The following CCL1 variants were observed in gnomAD, a reference collection of about 807,000 sequenced individuals.
CCL1 encodes the protein C-C motif chemokine ligand 1, also known as C-C motif chemokine 1.
In CCL1, 9 loss-of-function variants were observed where a neutral mutation model predicts 7.5. The observed-to-expected ratio is 1.20, with a 90% CI of 0.72 to 2.09. The LOEUF (loss-of-function observed/expected upper bound fraction) is 2.09, where lower values mean the gene tolerates loss of function less well. Ranked by LOEUF, CCL1 falls within the 30% of genes most tolerant of loss-of-function variation. The probability of loss-of-function intolerance (pLI) is 0.00; values close to 1 mark genes in which losing one functional copy is unlikely to be tolerated. For missense variants in CCL1, 110 were observed against 113.7 expected, an observed-to-expected ratio of 0.97 and a Z score of 0.15; for synonymous variants, 48 against 44.7, an observed-to-expected ratio of 1.07 and a Z score of -0.30.
Position 34,360,539 on chromosome 17 carries a change from C to T in CCL1, c.*20G>A. Reference sequence around the variant, plus strand: ...GTGAAGCCATGTGGTTTCCAGAGCCCACAATGGAAAGAAATCTGCTCATTT... The same window carrying T: ...GTGAAGCCATGTGGTTTCCAGAGCCTACAATGGAAAGAAATCTGCTCATTT... On this transcript the variant is annotated 3_prime_UTR_variant, in exon 3 of 3. Transcript: ENST00000225842. 1 of 1,591,874 alleles carries T rather than the reference C, an allele frequency of 6.3e-7. No individual in the cohort carries two copies. The highest frequency in any genetic ancestry group is 8.6e-7 in the Non-Finnish European group (1 of 1,159,760).
In CCL1 at chr17:34,360,542, A is replaced by C. The variant is rs770127031; in HGVS notation, c.*17T>G. On this transcript the variant is annotated 3_prime_UTR_variant, in exon 3 of 3. Transcript: ENST00000225842. ...AAGCCATGTGGTTTCCAGAGCCCAC[A>C]ATGGAAAGAAATCTGCTCATTTTCT... The C allele has an allele frequency of 3.1e-6, 5 of 1,594,642 alleles. No individual in the cohort carries two copies. Among genetic ancestry groups the C allele is most frequent in the Non-Finnish European group, 4.3e-6 (5 of 1,162,254 alleles).
At chr17:34,362,946 G>T in intron 1 of CCL1, 140 bp downstream of exon 1, 2 of 752,296 alleles carry the variant, frequency 2.7e-6, no homozygotes, top group Non-Finnish European at 2.2e-6. Flanking sequence ...GCCTGTCCAA[G>T]TTCACCATTC....
chr17:34,362,814 G>C (rs924124677), intron 1 of CCL1, among the ~76,000 whole-genome samples: 6 of 151,996 alleles, frequency 3.9e-5, no homozygotes, highest in Non-Finnish European at 5.9e-5. Context: ...AGCTTTACCC[G>C]AGTAACCTCA....
At chr17:34,361,292 G>A (rs548539498) in intron 2 of CCL1, among the ~76,000 whole-genome samples, 2 of 152,250 alleles carry the variant, frequency 1.3e-5, no homozygotes, top group East Asian at 3.9e-4. Flanking sequence ...TGACTGGTTT[G>A]TGAAAGCTAC....
At chr17:34,361,084 G>A (rs1048061112) in intron 2 of CCL1, among the ~76,000 whole-genome samples, 2 of 119,932 alleles carry the variant, frequency 1.7e-5, no homozygotes, top group Admixed American at 1.6e-4. Context: ...GTGTGTGGGT[G>A]TGTGTATTTT....
chr17:34,360,666 G>T lies in CCL1; in HGVS notation c.189-5C>A. On this transcript the variant is annotated splice_region_variant and splice_polypyrimidine_tract_variant and intron_variant, in intron 2 of 2. Transcript: ENST00000225842. ...TTGCCTCTCTTCAGCTTGAATCTGT[G>T]AACAGAGAATAAGAGAGAAGGCTGA... 1 of 1,609,750 alleles carries T rather than the reference G, an allele frequency of 6.2e-7. No homozygotes were observed. The highest frequency in any genetic ancestry group is 1.1e-5 in the South Asian group (1 of 90,920).
chr17:34,361,229 T>C lies in CCL1; in HGVS notation c.188+556A>G, dbSNP rs563179010. 5.3e-5 allele frequency among the ~76,000 whole-genome samples: 8 copies of C among 152,070 alleles called. No homozygotes were observed. The South Asian group carries it at 1.7e-3, about 32-fold the overall frequency. The stretch of plus-strand genomic sequence containing the variant: ...CTCACTTTTCATGATAACAAAAATA[T>C]GTGCCCCAAGAGGATCGACAGAGAG... On this transcript the variant is annotated intron_variant, in intron 2 of 2. Coordinates refer to ENST00000225842, the MANE Select transcript of CCL1 (RefSeq NM_002981.2).
intron 2 of CCL1, 116 bp downstream of exon 2, chr17:34,361,669 G>T (rs1597614762): frequency 2.8e-6 from 2 of 718,956 alleles, no homozygotes; most frequent in African/African-American, 1.7e-5. Flanking sequence ...GGTGCTGGCA[G>T]CTCTGGGTTT....
At chr17:34,362,367 G>A (rs1028542647) in intron 1 of CCL1, among the ~76,000 whole-genome samples, 4 of 152,082 alleles carry the variant, frequency 2.6e-5, no homozygotes, top group Admixed American at 6.5e-5. Context: ...GGAATTGTTC[G>A]AGGAGTCCAA....
At position 34,363,212 on chromosome 17, in the gene CCL1, G is replaced by A; in HGVS notation, c.-51C>T. 1.3e-6 allele frequency: 2 copies of A among 1,560,588 alleles called. No individual in the cohort carries two copies. The highest frequency in any genetic ancestry group is 8.8e-7 in the Non-Finnish European group (1 of 1,134,072). On this transcript the variant is annotated 5_prime_UTR_variant, in exon 1 of 3. Coordinates refer to ENST00000225842, the MANE Select transcript of CCL1 (RefSeq NM_002981.2). ...CTGGAGCAGCTTTGATGAGCCTGGT[G>A]AAGCTAAGAGCTCACCACTGTGCCG...
chr17:34,360,786 C>T (rs978857891), intron 2 of CCL1, 125 bp from the exon 3 acceptor site: 8 of 706,968 alleles, frequency 1.1e-5, no homozygotes, highest in Non-Finnish European at 2.0e-5. Flanking sequence ...TTGGGCTCCC[C>T]TCTGTAAATG....
At chr17:34,362,476 C>T (rs541207483) in intron 1 of CCL1, among the ~76,000 whole-genome samples, 66 of 152,114 alleles carry the variant, frequency 4.3e-4, no homozygotes, top group African/African-American at 1.5e-3. Flanking sequence ...TCTTTCCCAG[C>T]CCCCAACCCC....
At chr17:34,361,028 G>A (rs924021905) in intron 2 of CCL1, among the ~76,000 whole-genome samples, 7 of 151,892 alleles carry the variant, frequency 4.6e-5, no homozygotes, top group Non-Finnish European at 7.4e-5. Flanking sequence ...TACTTGTTGC[G>A]TTGGACTCAT....
chr17:34,361,022 T>C (rs1408963510), intron 2 of CCL1, among the ~76,000 whole-genome samples: 1 of 152,040 alleles, frequency 6.6e-6, no homozygotes, highest in Non-Finnish European at 1.5e-5. Flanking sequence ...GGGCCTTACT[T>C]GTTGCGTTGG....
chr17:34,361,654 A>C, intron 2 of CCL1, 131 bp downstream of exon 2: 2 of 654,774 alleles, frequency 3.1e-6, no homozygotes, highest in Non-Finnish European at 5.5e-6. Flanking sequence ...TGTGGCTTGC[A>C]CCCAGGTGCT....
At chr17:34,362,581 A>AC (rs1232900783) in intron 1 of CCL1, among the ~76,000 whole-genome samples, 6 of 151,466 alleles carry the variant, frequency 4.0e-5, no homozygotes, top group Non-Finnish European at 7.4e-5. Context: ...TTCTGTTTGC[A>AC]CCCCCTTTCA....
chr17:34,361,744 G>T lies in CCL1; in HGVS notation c.188+41C>A, dbSNP rs748721433. ...ACTCTTGTAATTCCAGGCTGGCGGG[G>T]TTCTGTTCTCTAGGGAGAGATTGAG... On this transcript the variant is annotated intron_variant, in intron 2 of 2. Transcript: ENST00000225842. 8.5e-6 allele frequency: 11 copies of T among 1,297,070 alleles called. No individual in the cohort carries two copies. In the East Asian group the frequency reaches 1.4e-4, roughly 17 times the overall value. The allele number at this position is 1,297,070 out of a possible 1,614,324, so 80.3% of individuals were successfully genotyped here.
In CCL1 at chr17:34,363,170, G is replaced by A; in HGVS notation, c.-9C>T. ...GTGGTGATGATCTGCATGTCTTCTG[G>A]TCTGGCTTGGGCCTTCCTGGAGCAG... On this transcript the variant is annotated 5_prime_UTR_variant, in exon 1 of 3. Coordinates refer to ENST00000225842, the MANE Select transcript of CCL1 (RefSeq NM_002981.2). 1 of 1,613,576 alleles carries A rather than the reference G, an allele frequency of 6.2e-7. No homozygotes were observed.
chr17:34,360,768 G>T (rs1175040803), intron 2 of CCL1, 107 bp from the exon 3 acceptor site: 2 of 805,492 alleles, frequency 2.5e-6, no homozygotes, highest in African/African-American at 1.7e-5. Flanking sequence ...AACTGCTCTT[G>T]CTAGGCCTTG....
Sources: allele counts gnomAD v4.1 joint callset (sites outside exome capture counted in the v4.1 genomes callset), GRCh38; gene constraint gnomAD v4.1.1; transcripts MANE v1.5; gene names NCBI Gene and HGNC (gene_info 2026-07-23, HGNC 2026-07-21).